The following CABP7 variants were observed in gnomAD, a reference collection of about 807,000 sequenced individuals.
CABP7 encodes calcium-binding protein 7.
A neutral mutation model predicts 23.1 loss-of-function variants in CABP7; 13 were observed. That is an observed-to-expected ratio of 0.56 (90% CI 0.37 to 0.90). The LOEUF is 0.90. CABP7 is among the 40% of genes least tolerant of loss of function. The pLI is 0.01. For synonymous variants in CABP7, 123 were observed against 115.3 expected (o/e 1.07, Z -0.43); for missense variants, 248 against 295.6 (o/e 0.84, Z 1.18).
At chr22:29,723,040 C>T (rs1275119273) in intron 1 of CABP7, among the ~76,000 whole-genome samples, 2 of 152,232 alleles carry the variant, frequency 1.3e-5, no homozygotes, top group South Asian at 4.1e-4. Flanking sequence ...GGTTTCCCCA[C>T]CTATAAAAGG....
chr22:29,728,808 A>C, intron 3 of CABP7, 66 bp downstream of exon 3: 7 of 1,235,640 alleles, frequency 5.7e-6, no homozygotes, highest in Non-Finnish European at 8.3e-6. Flanking sequence ...GAGCCAGTGA[A>C]TGGCTGGGCC....
rs2067756285 is a variant in CABP7 at position 29,720,855 on chromosome 22, G to T, written c.109+322G>T. ...TGCGGCAACGCGGCGGACTGGGGCG[G>T]GGGTCCGCGCTGAGCCCCCAGCGCC... On this transcript the variant is annotated intron_variant, in intron 1 of 4. Coordinates refer to ENST00000216144, the MANE Select transcript of CABP7 (RefSeq NM_182527.3). The surrounding 1 kb of genome is among the most constrained non-coding windows in gnomAD (Gnocchi z 5.2). Among the ~76,000 whole-genome samples the T allele has an allele frequency of 6.6e-6, 1 of 151,576 alleles. No individual in the cohort carries two copies. Among genetic ancestry groups the T allele is most frequent in the Non-Finnish European group, 1.5e-5 (1 of 67,842 alleles).
In CABP7 at chr22:29,720,782, G is replaced by C. The variant is rs1393270130; in HGVS notation, c.109+249G>C. Among the ~76,000 whole-genome samples, 1 of 151,324 alleles carries C rather than the reference G, an allele frequency of 6.6e-6. No homozygotes were observed. The highest frequency in any genetic ancestry group is 6.6e-5 in the Admixed American group (1 of 15,188). ...GTGGTCCCCAGCGCTGCGGAAACTT[G>C]CCGGGCCCCGCAGCGGGGTCACGGG... On this transcript the variant is annotated intron_variant, in intron 1 of 4. Coordinates refer to ENST00000216144, the MANE Select transcript of CABP7 (RefSeq NM_182527.3). This position sits in a 1 kb window ranked among gnomAD's most constrained non-coding sequence, Gnocchi z 5.2.
chr22:29,729,102 C>T lies in CABP7; in HGVS notation c.414C>T (p.Tyr138=), dbSNP rs758292837. 60 of 1,611,438 alleles carry T rather than the reference C, an allele frequency of 3.7e-5. No homozygotes were observed. The highest frequency in any genetic ancestry group is 4.5e-5 in the East Asian group (2 of 44,896). ...LTVDELKRLL[Y]DTFCEHLSMK... ...TGGATGAGCTGAAGCGGCTGCTCTA[C>T]GACACCTTCTGCGAGCACCTGTCCA... The change falls in exon 4 of 5, where the codon TAC becomes TAT. Residue 138 remains tyrosine, a synonymous_variant. Transcript: ENST00000216144.
chr22:29,728,526 C>T (rs1424031719), intron 2 of CABP7, 104 bp from the exon 3 acceptor site: 3 of 701,018 alleles, frequency 4.3e-6, no homozygotes, highest in African/African-American at 3.6e-5. Context: ...CTAAGGCCAC[C>T]CGGTAGGCCC....
In CABP7 at chr22:29,729,295, G is replaced by C. The variant is rs2067820386; in HGVS notation, c.520+87G>C. On this transcript the variant is annotated intron_variant, in intron 4 of 4. Coordinates refer to ENST00000216144, the MANE Select transcript of CABP7 (RefSeq NM_182527.3). ...GGGTGGGGAGAGTCTGCAGAGGGGG[G>C]CTGGGGGCCTCCTTGCCTGTCCTAA... 3.2e-6 allele frequency: 5 copies of C among 1,574,882 alleles called. No homozygotes were observed. In the Admixed American group the frequency reaches 8.6e-5, roughly 27 times the overall value.
chr22:29,721,224 C>G (rs895010209), intron 1 of CABP7, among the ~76,000 whole-genome samples: 2 of 152,210 alleles, frequency 1.3e-5, no homozygotes, highest in Admixed American at 6.5e-5. Flanking sequence ...AACCCGCCCC[C>G]ACCCCGTTCC....
chr22:29,728,566 T>G, intron 2 of CABP7, 64 bp from the exon 3 acceptor site: 1 of 1,057,440 alleles, frequency 9.5e-7, no homozygotes, highest in Non-Finnish European at 1.5e-6. Context: ...TCCCAGGACC[T>G]CTGGGCCCTG....
chr22:29,727,582 G>A lies in CABP7; in HGVS notation c.110-80G>A. The A allele has an allele frequency of 6.4e-7, 1 of 1,567,332 alleles. No individual in the cohort carries two copies. Among genetic ancestry groups the A allele is most frequent in the African/African-American group, 1.4e-5 (1 of 73,844 alleles). On this transcript the variant is annotated intron_variant, in intron 1 of 4. Coordinates refer to ENST00000216144, the MANE Select transcript of CABP7 (RefSeq NM_182527.3). This position sits in a 1 kb window ranked among gnomAD's most constrained non-coding sequence, Gnocchi z 4.2. Reference sequence around the variant, plus strand: ...TCTCAAGGCCATGCTCAGGCTGCAGGGTCGGTGATCCTGGGGGTCTGGAAA... The same window carrying A: ...TCTCAAGGCCATGCTCAGGCTGCAGAGTCGGTGATCCTGGGGGTCTGGAAA...
chr22:29,728,600 A>T (rs1268996642), intron 2 of CABP7, 30 bp from the exon 3 acceptor site: 10 of 1,416,688 alleles, frequency 7.1e-6, no homozygotes, highest in Non-Finnish European at 5.0e-6. Context: ...GGCCCTACCC[A>T]CTGATTGATT....
intron 1 of CABP7, among the ~76,000 whole-genome samples, chr22:29,725,560 G>T (rs190418182): frequency 1.8e-4 from 28 of 152,180 alleles, no homozygotes; most frequent in Admixed American, 5.9e-4. Context: ...ACAATCCAGC[G>T]TGGCCCATGC....
chr22:29,723,732 ACAGCCAAAAG>A (rs1363623570), intron 1 of CABP7, among the ~76,000 whole-genome samples: 1 of 152,198 alleles, frequency 6.6e-6, no homozygotes, highest in African/African-American at 2.4e-5. Flanking sequence ...CCGCCTCTGC[ACAGCCAAAAG>A]CTCAGGGAGG....
chr22:29,727,813 C>A lies in CABP7; in HGVS notation c.253+8C>A, dbSNP rs114019798. On this transcript the variant is annotated splice_region_variant and intron_variant, in intron 2 of 4. Transcript: ENST00000216144. The surrounding 1 kb of genome is among the most constrained non-coding windows in gnomAD (Gnocchi z 4.2). ...AGCGGCTGGACATGGATGGTGAGCA[C>A]CCCCCCGCCTCGGTTTCCCCACCTG... 17 of 1,595,174 alleles carry A rather than the reference C, an allele frequency of 1.1e-5. No homozygotes were observed. Among genetic ancestry groups the A allele is most frequent in the East Asian group, 2.3e-5 (1 of 43,738 alleles).
chr22:29,722,524 G>A lies in CABP7; in HGVS notation c.109+1991G>A, dbSNP rs923158229. Among the ~76,000 whole-genome samples the A allele has an allele frequency of 4.6e-5, 7 of 152,382 alleles. No homozygotes were observed. The East Asian group carries it at 1.2e-3, about 25-fold the overall frequency. The stretch of plus-strand genomic sequence containing the variant: ...GGTCATGGAGTAGACAGATGCCTGG[G>A]TGGTCCCAGCTCATCTCTGGCCCAG... On this transcript the variant is annotated intron_variant, in intron 1 of 4. Coordinates refer to ENST00000216144, the MANE Select transcript of CABP7 (RefSeq NM_182527.3).
At chr22:29,729,415 C>G (rs949477205) in intron 4 of CABP7, 27 bp from the exon 5 acceptor site, 5 of 1,606,360 alleles carry the variant, frequency 3.1e-6, no homozygotes, top group Non-Finnish European at 4.2e-6. Flanking sequence ...CTTCTGTCTC[C>G]CCGGTGCTCC....
At chr22:29,724,658 G>C (rs1303543997) in intron 1 of CABP7, among the ~76,000 whole-genome samples, 1 of 152,200 alleles carries the variant, frequency 6.6e-6, no homozygotes, top group Non-Finnish European at 1.5e-5. Context: ...TCCCAGCACA[G>C]GCAAAGGCAC....
rs2067754802 is a variant in CABP7, at chr22:29,720,700, C to T, written c.109+167C>T. On this transcript the variant is annotated intron_variant, in intron 1 of 4. Transcript: ENST00000216144. The surrounding 1 kb of genome is among the most constrained non-coding windows in gnomAD (Gnocchi z 5.2). ...TGCCCCGCGGCAAGACCTGTCCGCA[C>T]CCCGGGGCGCCGCGGTGGGGGTCGC... Among the ~76,000 whole-genome samples, 1 of 151,562 alleles carries T rather than the reference C, an allele frequency of 6.6e-6. No homozygotes were observed. Among genetic ancestry groups the T allele is most frequent in the Non-Finnish European group, 1.5e-5 (1 of 67,828 alleles).
Position 29,731,287 on chromosome 22 carries a change from G to A in CABP7, c.*1718G>A. On this transcript the variant is annotated 3_prime_UTR_variant, in exon 5 of 5. Coordinates refer to ENST00000216144, the MANE Select transcript of CABP7 (RefSeq NM_182527.3). ...CCAGGTGGGGGTGCCCGCAGGGATG[G>A]AGGCAGCTCCTGAACTGGTGGCCAG... The A allele has an allele frequency of 1.3e-6, 2 of 1,524,860 alleles. No individual in the cohort carries two copies. Among genetic ancestry groups the A allele is most frequent in the Non-Finnish European group, 1.7e-6 (2 of 1,148,740 alleles). 94.5% of individuals were successfully genotyped at this position (1,524,860 alleles called of 1,614,324 possible). A position where few individuals can be genotyped will look rare whatever the true frequency, so the allele number is the denominator to read the frequency against.
chr22:29,720,476 G>A lies in CABP7; in HGVS notation c.52G>A (p.Val18Met). The A allele has an allele frequency of 1.3e-6, 2 of 1,563,122 alleles. No individual in the cohort carries two copies. Among genetic ancestry groups the A allele is most frequent in the South Asian group, 1.1e-5 (1 of 86,986 alleles). Residue 18 changes from valine (V) to methionine (M), a missense_variant, in exon 1 of 5, where the codon GTG becomes ATG. Coordinates refer to ENST00000216144, the MANE Select transcript of CABP7 (RefSeq NM_182527.3). The surrounding 1 kb of genome is among the most constrained non-coding windows in gnomAD (Gnocchi z 5.2). ...GTTGATGTACCGGGGCATCTACACC[G>A]TGCCCAACCTGCTGTCGGAGCAGCG... ...AALMYRGIYTVPNLLSEQRPV... is the reference protein window; with the variant it reads ...AALMYRGIYTMPNLLSEQRPV...
Sources: allele counts gnomAD v4.1 joint callset (sites outside exome capture counted in the v4.1 genomes callset), GRCh38; gene constraint gnomAD v4.1.1; non-coding constraint Gnocchi (gnomAD v3.1); transcripts MANE v1.5; gene names NCBI Gene and HGNC (gene_info 2026-07-23, HGNC 2026-07-21).